The following TOP6BL variants were observed in gnomAD, a reference collection of about 807,000 sequenced individuals.
TOP6BL encodes the protein type 2 DNA topoisomerase 6 subunit B-like.
chr11:66,840,412 G>A, the TOP6BL span, among the ~76,000 whole-genome samples: 3 of 152,110 alleles, frequency 2.0e-5, no homozygotes, highest in Admixed American at 6.5e-5. Context: ...CAGTGGGATC[G>A]TCCCTTCTGC....
the TOP6BL span, among the ~76,000 whole-genome samples, chr11:66,818,634 C>G: frequency 5.3e-5 from 8 of 152,120 alleles, no homozygotes; most frequent in Non-Finnish European, 2.9e-5. Context: ...TCACGTAAAT[C>G]TGAGCCTCCC....
At chr11:66,789,891 A>G in the TOP6BL span, among the ~76,000 whole-genome samples, 2 of 152,294 alleles carry the variant, frequency 1.3e-5, no homozygotes, top group South Asian at 2.1e-4. Flanking sequence ...GGCTATTTCA[A>G]TATTTACTTA....
At chr11:66,841,110 ATTTTTTT>A in the TOP6BL span, among the ~76,000 whole-genome samples, 92 of 84,628 alleles carry the variant, frequency 1.1e-3, no homozygotes, top group African/African-American at 3.5e-3. Context: ...GAGGCCTCTC[ATTTTTTT>A]TTTTTTTTTT....
At chr11:66,823,811 C>T in the TOP6BL span, among the ~76,000 whole-genome samples, 4 of 151,788 alleles carry the variant, frequency 2.6e-5, no homozygotes, top group Non-Finnish European at 4.4e-5. Flanking sequence ...AGTGAGATTC[C>T]GTCTCAAAAA....
At chr11:66,818,429 G>A in the TOP6BL span, among the ~76,000 whole-genome samples, 1 of 152,082 alleles carries the variant, frequency 6.6e-6, no homozygotes, top group African/African-American at 2.4e-5. Context: ...TTAACACCAG[G>A]GGAATGGAAA....
the TOP6BL span, chr11:66,748,504 TTGTG>T: frequency 6.5e-7 from 1 of 1,545,726 alleles, no homozygotes; most frequent in South Asian, 1.2e-5. Context: ...ATGCTCTTCA[TTGTG>T]TAACAACTAG....
the TOP6BL span, among the ~76,000 whole-genome samples, chr11:66,817,121 T>C: frequency 1.3e-5 from 2 of 151,548 alleles, no homozygotes; most frequent in African/African-American, 4.9e-5. Flanking sequence ...CCACTGCACT[T>C]CAGCCTGGAC....
chr11:66,793,113 A>C, the TOP6BL span, among the ~76,000 whole-genome samples: 1 of 149,902 alleles, frequency 6.7e-6, no homozygotes, highest in Non-Finnish European at 1.5e-5. Context: ...TTTGAGATGG[A>C]GTCTCACTCT....
At chr11:66,822,564 G>A in the TOP6BL span, 1 of 1,542,700 alleles carries the variant, frequency 6.5e-7, no homozygotes, top group Non-Finnish European at 8.8e-7. Flanking sequence ...TGTTCCCCAG[G>A]CTCAGCAGAA....
At chr11:66,799,665 T>C in the TOP6BL span, among the ~76,000 whole-genome samples, 5 of 151,522 alleles carry the variant, frequency 3.3e-5, no homozygotes, top group African/African-American at 1.2e-4. Context: ...TGAGCCGAGA[T>C]TGCGCCATTG....
chr11:66,816,013 T>A, the TOP6BL span: 1 of 1,539,542 alleles, frequency 6.5e-7, no homozygotes, highest in Non-Finnish European at 8.8e-7. Context: ...TTCAAGAGCT[T>A]TACTTATCTT....
At chr11:66,816,555 G>A in the TOP6BL span, among the ~76,000 whole-genome samples, 1 of 152,060 alleles carries the variant, frequency 6.6e-6, no homozygotes, top group African/African-American at 2.4e-5. Flanking sequence ...GGGGCTTAGG[G>A]TTCAGTATGT....
At chr11:66,835,731 A>G in the TOP6BL span, among the ~76,000 whole-genome samples, 1 of 152,252 alleles carries the variant, frequency 6.6e-6, no homozygotes, top group Non-Finnish European at 1.5e-5. Context: ...GTTGTACCAT[A>G]TAACAATTTC....
At chr11:66,795,028 G>A in the TOP6BL span, among the ~76,000 whole-genome samples, 9 of 152,016 alleles carry the variant, frequency 5.9e-5, no homozygotes, top group African/African-American at 2.2e-4. Flanking sequence ...CAGCTACTCA[G>A]GAGGCTGAGG....
chr11:66,830,115 A>G, the TOP6BL span, among the ~76,000 whole-genome samples: 1,649 of 152,350 alleles, frequency 0.011, 37 homozygotes, highest in African/African-American at 0.037. Context: ...ATTCTTTTCA[A>G]GTGCACAAGG....
the TOP6BL span, among the ~76,000 whole-genome samples, chr11:66,803,138 A>G: frequency 6.6e-6 from 1 of 152,184 alleles, no homozygotes; most frequent in African/African-American, 2.4e-5. Context: ...CGGAAGGTGT[A>G]GCATGCGTGA....
At chr11:66,804,197 T>C in the TOP6BL span, 1 of 1,591,452 alleles carries the variant, frequency 6.3e-7, no homozygotes, top group Non-Finnish European at 8.6e-7. Context: ...TTCCATATCC[T>C]TTTGATGAAA....
the TOP6BL span, chr11:66,843,217 C>T: frequency 3.7e-6 from 6 of 1,610,470 alleles, no homozygotes; most frequent in Non-Finnish European, 5.1e-6. Flanking sequence ...GTGGCTGAGT[C>T]CCAGCCCTGG....
the TOP6BL span, chr11:66,796,028 A>T: frequency 8.5e-6 from 3 of 354,878 alleles, no homozygotes; most frequent in East Asian, 1.3e-4. Context: ...GGTGGTTTTG[A>T]CATTATGGGT....
Sources: gnomAD v4.1 joint callset for allele counts (sites outside exome capture counted in the v4.1 genomes callset) on GRCh38, gnomAD v4.1.1 for gene constraint, MANE v1.5 for transcripts, NCBI Gene and HGNC (gene_info 2026-07-23, HGNC 2026-07-21) for gene names.